Variants in PCDH15 observed in about 807,000 individuals in gnomAD.
PCDH15 encodes protocadherin-15.
A neutral mutation model predicts 178.5 loss-of-function variants in PCDH15; 129 were observed. The ratio of observed to expected loss-of-function variants is 0.72; its 90% CI spans 0.63 to 0.84. The LOEUF (loss-of-function observed/expected upper bound fraction) is 0.84. Ranked by LOEUF, PCDH15 falls within the 40% of genes least tolerant of loss-of-function variation. The pLI, the probability that PCDH15 is intolerant of heterozygous loss-of-function variation, is 0.00. For synonymous variants in PCDH15, 800 were observed against 732.0 expected, an observed-to-expected ratio of 1.09 and a Z score of -1.50; for missense variants, 2,230 against 2,099.9, an observed-to-expected ratio of 1.06 and a Z score of -1.21.
intron 2 of PCDH15, among the ~76,000 whole-genome samples, chr10:55,519,492 C>T (rs1046437892): frequency 5.9e-5 from 9 of 151,942 alleles, no homozygotes; most frequent in Non-Finnish European, 1.2e-4. Context: ...TGTCATGCAT[C>T]TTGACTGTAT....
intron 2 of PCDH15, among the ~76,000 whole-genome samples, chr10:54,580,746 C>A (rs1452321744): frequency 6.6e-6 from 1 of 151,980 alleles, no homozygotes; most frequent in Non-Finnish European, 1.5e-5. Context: ...AATAGCTATA[C>A]CATGATCAAG....
intron 2 of PCDH15, among the ~76,000 whole-genome samples, chr10:54,618,180 A>G (rs1272990917): frequency 3.3e-5 from 5 of 152,086 alleles, no homozygotes; most frequent in Non-Finnish European, 7.4e-5. Context: ...AAGTATGTAG[A>G]TTAAGTACAT....
intron 8 of PCDH15, among the ~76,000 whole-genome samples, chr10:54,298,983 C>T (rs1328979938): frequency 2.0e-5 from 3 of 152,216 alleles, no homozygotes; most frequent in African/African-American, 4.8e-5. Flanking sequence ...TCTGGGGGAA[C>T]CCCCATTAAA....
chr10:55,198,931 C>T (rs1336645348), intron 1 of PCDH15, among the ~76,000 whole-genome samples: 2 of 152,072 alleles, frequency 1.3e-5, no homozygotes, highest in African/African-American at 2.4e-5. Context: ...CCTGTACAGC[C>T]TGCAGAACTG....
chr10:54,544,837 T>C (rs577144120), intron 2 of PCDH15, among the ~76,000 whole-genome samples: 2 of 152,300 alleles, frequency 1.3e-5, no homozygotes, highest in African/African-American at 4.8e-5. Flanking sequence ...TTTTATTATA[T>C]CTCTCCTCAA....
At chr10:53,946,939 G>C (rs2134138036) in intron 23 of PCDH15, among the ~76,000 whole-genome samples, 1 of 152,140 alleles carries the variant, frequency 6.6e-6, no homozygotes, top group East Asian at 1.9e-4. Context: ...ACCACACCTG[G>C]CTAATTTTTT....
At chr10:54,435,887 G>A (rs1264614154) in intron 3 of PCDH15, among the ~76,000 whole-genome samples, 41 of 151,712 alleles carry the variant, frequency 2.7e-4, no homozygotes, top group Admixed American at 2.3e-3. Context: ...GGAGAATGGC[G>A]TGAACCCGGG....
At chr10:55,518,580 T>C (rs1841076623) in intron 2 of PCDH15, among the ~76,000 whole-genome samples, 2 of 151,866 alleles carry the variant, frequency 1.3e-5, no homozygotes, top group African/African-American at 2.4e-5. Context: ...TTCACCCTCA[T>C]ACAATGGGCC....
chr10:54,023,100 G>C lies in PCDH15; in HGVS notation c.2318C>G (p.Thr773Arg). ...FRITSNGSIY[T>R]AVKLNREVRD... ...GACTTCTCTGTTAAGCTTCACTGCT[G>C]TGTAAATGCTCCCATTGGATGTGAT... Residue 773 changes from threonine to arginine, a missense_variant, in exon 19 of 38, where the codon ACA becomes AGA. By Grantham distance (71) the Thr-to-Arg change is moderately conservative (BLOSUM62 -1). Transcript: ENST00000644397. 6.2e-7 allele frequency: 1 copy of C among 1,613,936 alleles called. No homozygotes were observed. Among genetic ancestry groups the C allele is most frequent in the Non-Finnish European group, 8.5e-7 (1 of 1,179,892 alleles).
chr10:54,412,328 G>A (rs1953655417), intron 3 of PCDH15, among the ~76,000 whole-genome samples: 2 of 151,620 alleles, frequency 1.3e-5, no homozygotes, highest in South Asian at 4.2e-4. Context: ...ACCTTTGTAT[G>A]TTTGCTTGAA....
chr10:54,905,613 T>C (rs990102851), intron 2 of PCDH15, among the ~76,000 whole-genome samples: 8 of 152,142 alleles, frequency 5.3e-5, no homozygotes, highest in East Asian at 1.9e-4. Flanking sequence ...GGGACAGTTA[T>C]AGGAAGCCTG....
chr10:54,526,203 T>C (rs1315475795), intron 3 of PCDH15, among the ~76,000 whole-genome samples: 2 of 152,206 alleles, frequency 1.3e-5, no homozygotes, highest in East Asian at 1.9e-4. Context: ...AAATAAACTA[T>C]CATCATTGCT....
At position 54,442,414 on chromosome 10, in the gene PCDH15, CTATATATATATATATA is replaced by C. The variant is rs71007859; in HGVS notation, c.158-63488_158-63473del. ...TTAAAAAAAAAAAAGGCCTTAAAGGCTATATATATATATATATATATATATATATATATATATATAT... is the reference window on the plus strand; with the variant it reads ...TTAAAAAAAAAAAAGGCCTTAAAGGCTATATATATATATATATATATATAT... On this transcript the variant is annotated intron_variant, in intron 3 of 37. Transcript: ENST00000644397. Among the ~76,000 whole-genome samples the C allele has an allele frequency of 8.3e-4, 16 of 19,194 alleles. No individual in the cohort carries two copies. In the East Asian group the frequency reaches 9.3e-3, roughly 11 times the overall value. The allele number at this position is 19,194 out of a possible 152,430, so 12.6% of individuals were successfully genotyped here.
intron 2 of PCDH15, among the ~76,000 whole-genome samples, chr10:55,334,242 A>ATATATATATATATATATATATATGTGTG (rs1291195941): frequency 2.8e-5 from 2 of 72,138 alleles, no homozygotes; most frequent in African/African-American, 1.9e-4. Flanking sequence ...ATATATATAT[A>ATATATATATATATATATATATATGTGTG]TGTGTGTGTG....
At position 54,023,127 on chromosome 10, in the gene PCDH15, C is replaced by CA; in HGVS notation, c.2290_2291insT (p.Arg764LeufsTer15). On this transcript the variant is annotated frameshift_variant, in exon 19 of 38. Coordinates refer to ENST00000644397, the MANE Select transcript of PCDH15 (RefSeq NM_001384140.1). LOFTEE classifies it high-confidence loss of function. Reference sequence around the variant, plus strand: ...GTAAATGCTCCCATTGGATGTGATACGAAAAAGATTATTAAAGTTACCCAA... The same window carrying CA: ...GTAAATGCTCCCATTGGATGTGATACAGAAAAAGATTATTAAAGTTACCCAA... 1 of 1,613,722 alleles carries CA rather than the reference C, an allele frequency of 6.2e-7. No homozygotes were observed. Among genetic ancestry groups the CA allele is most frequent in the Non-Finnish European group, 8.5e-7 (1 of 1,179,838 alleles).
At chr10:54,280,699 G>T (rs1028259301) in intron 8 of PCDH15, among the ~76,000 whole-genome samples, 8 of 151,526 alleles carry the variant, frequency 5.3e-5, no homozygotes, top group Admixed American at 2.0e-4. Flanking sequence ...TCTGTCAATT[G>T]TTCCCTTATC....
intron 15 of PCDH15, among the ~76,000 whole-genome samples, chr10:54,116,260 T>C (rs2095111543): frequency 6.8e-6 from 1 of 147,796 alleles, no homozygotes; most frequent in Non-Finnish European, 1.5e-5. Context: ...AAAAAGCCAT[T>C]TGAGTGGATT....
At chr10:55,473,953 AG>A in intron 2 of PCDH15, among the ~76,000 whole-genome samples, 1 of 152,172 alleles carries the variant, frequency 6.6e-6, no homozygotes. Flanking sequence ...ACCAAAATCA[AG>A]GCTTGGGAAA....
At chr10:54,035,156 T>A (rs2093386792) in intron 18 of PCDH15, among the ~76,000 whole-genome samples, 1 of 151,896 alleles carries the variant, frequency 6.6e-6, no homozygotes, top group East Asian at 1.9e-4. Context: ...AGGAGCAGTC[T>A]AGTCAGTAGA....
Sources: gnomAD v4.1 joint callset for allele counts (sites outside exome capture counted in the v4.1 genomes callset) on GRCh38, gnomAD v4.1.1 for gene constraint, MANE v1.5 for transcripts, NCBI Gene and HGNC (gene_info 2026-07-23, HGNC 2026-07-21) for gene names.